TNR: variants seen among roughly 807,000 people sequenced by gnomAD.
The protein encoded by TNR is tenascin-R.
Under a neutral mutation model 150.4 loss-of-function variants are expected in TNR, and 45 were observed. The observed-to-expected ratio is 0.30, with a 90% CI of 0.24 to 0.38. The LOEUF is 0.38. TNR is among the 10% of genes least tolerant of loss of function. The pLI, the probability that TNR is intolerant of heterozygous loss-of-function variation, is 1.00. For missense variants in TNR, 1,544 were observed against 1,759.1 expected, an observed-to-expected ratio of 0.88 and a Z score of 2.19; for synonymous variants, 687 against 678.4, an observed-to-expected ratio of 1.01 and a Z score of -0.20.
chr1:175,346,632 T>C (rs1253184286), intron 18 of TNR, among the ~76,000 whole-genome samples: 1 of 152,038 alleles, frequency 6.6e-6, no homozygotes, highest in East Asian at 1.9e-4. Context: ...ATGAAAAGTC[T>C]TTTGAAGAAT....
intron 2 of TNR, among the ~76,000 whole-genome samples, chr1:175,415,206 C>G (rs1654385337): frequency 6.7e-6 from 1 of 149,768 alleles, no homozygotes; most frequent in Non-Finnish European, 1.5e-5. Flanking sequence ...CGTTGGGATG[C>G]TCTGTCACTT....
At chr1:175,626,102 C>A (rs1260121812) in intron 1 of TNR, among the ~76,000 whole-genome samples, 1 of 152,174 alleles carries the variant, frequency 6.6e-6, no homozygotes, top group Non-Finnish European at 1.5e-5. Context: ...CTTGCCACTG[C>A]CATGTAAGAA....
chr1:175,432,262 C>T (rs1046302989), intron 2 of TNR, among the ~76,000 whole-genome samples: 1 of 152,104 alleles, frequency 6.6e-6, no homozygotes, highest in Non-Finnish European at 1.5e-5. Flanking sequence ...AAGCTGATGG[C>T]CAAAGCTAGC....
At chr1:175,706,463 T>C (rs1215275538) in intron 1 of TNR, among the ~76,000 whole-genome samples, 1 of 152,026 alleles carries the variant, frequency 6.6e-6, no homozygotes, top group Non-Finnish European at 1.5e-5. Context: ...CAGGAAGGCA[T>C]CTTAAAGGTG....
At chr1:175,696,121 T>G (rs1666508285) in intron 1 of TNR, among the ~76,000 whole-genome samples, 1 of 151,952 alleles carries the variant, frequency 6.6e-6, no homozygotes, top group Non-Finnish European at 1.5e-5. Flanking sequence ...AATTTACAAA[T>G]ACTGTTAACC....
intron 15 of TNR, among the ~76,000 whole-genome samples, chr1:175,358,160 A>G (rs1189875865): frequency 6.6e-6 from 1 of 152,220 alleles, no homozygotes; most frequent in Non-Finnish European, 1.5e-5. Flanking sequence ...AGGAGGGGTG[A>G]CAGGAATTGA....
intron 2 of TNR, among the ~76,000 whole-genome samples, chr1:175,475,772 G>GAA (rs35816300): frequency 1.3e-5 from 2 of 150,026 alleles, no homozygotes; most frequent in Admixed American, 6.6e-5. Flanking sequence ...CCTGGATGAG[G>GAA]AAAAAAAAAA....
At chr1:175,665,155 T>G (rs1558062230) in intron 1 of TNR, among the ~76,000 whole-genome samples, 1 of 152,050 alleles carries the variant, frequency 6.6e-6, no homozygotes, top group Non-Finnish European at 1.5e-5. Flanking sequence ...TAGCACAGTT[T>G]TGTTTCATTT....
At chr1:175,413,987 G>C (rs957669510) in intron 2 of TNR, among the ~76,000 whole-genome samples, 1 of 152,230 alleles carries the variant, frequency 6.6e-6, no homozygotes, top group South Asian at 2.1e-4. Flanking sequence ...ACAAAAATTA[G>C]CCATGCATGG....
intron 1 of TNR, among the ~76,000 whole-genome samples, chr1:175,643,293 C>T (rs567386468): frequency 2.7e-4 from 41 of 152,352 alleles, no homozygotes; most frequent in African/African-American, 9.4e-4. Flanking sequence ...ATCTTATCAG[C>T]CTCTGATGAG....
chr1:175,502,284 T>C (rs1658770005), intron 2 of TNR, among the ~76,000 whole-genome samples: 1 of 152,228 alleles, frequency 6.6e-6, no homozygotes, highest in African/African-American at 2.4e-5. Flanking sequence ...TGCAGAATGC[T>C]GGAGTGCTCT....
At chr1:175,330,809 T>C (rs1221582126) in intron 20 of TNR, among the ~76,000 whole-genome samples, 6 of 152,170 alleles carry the variant, frequency 3.9e-5, no homozygotes, top group African/African-American at 1.4e-4. Flanking sequence ...CTGACTCCAG[T>C]CCCTTTCTCT....
intron 9 of TNR, among the ~76,000 whole-genome samples, chr1:175,379,296 T>C (rs565331258): frequency 2.0e-5 from 3 of 151,752 alleles, no homozygotes; most frequent in South Asian, 4.2e-4. Flanking sequence ...GAGACAGAGG[T>C]TGCAGTGAGC....
At chr1:175,663,759 G>C (rs1410449288) in intron 1 of TNR, among the ~76,000 whole-genome samples, 2 of 152,238 alleles carry the variant, frequency 1.3e-5, no homozygotes, top group African/African-American at 4.8e-5. Context: ...GGACGGCTGA[G>C]GATGGAGAAC....
At chr1:175,652,498 C>T (rs1382956330) in intron 1 of TNR, among the ~76,000 whole-genome samples, 1 of 152,100 alleles carries the variant, frequency 6.6e-6, no homozygotes, top group Non-Finnish European at 1.5e-5. Context: ...GGATTTATGT[C>T]CCTGCCCAAA....
chr1:175,605,086 TAGGG>T (rs1395039317), intron 1 of TNR, among the ~76,000 whole-genome samples: 1 of 152,122 alleles, frequency 6.6e-6, no homozygotes, highest in Non-Finnish European at 1.5e-5. Flanking sequence ...GTGGGCAGCA[TAGGG>T]AAGGATGATG....
intron 1 of TNR, among the ~76,000 whole-genome samples, chr1:175,537,654 T>C (rs904292642): frequency 3.5e-4 from 53 of 152,220 alleles, no homozygotes; most frequent in African/African-American, 1.2e-3. Context: ...TGATAAAAGC[T>C]TGACTTTCCA....
At chr1:175,376,330 C>A (rs1439907644) in intron 9 of TNR, among the ~76,000 whole-genome samples, 1 of 152,184 alleles carries the variant, frequency 6.6e-6, no homozygotes, top group African/African-American at 2.4e-5. Context: ...ACCTTAAACT[C>A]GTTAAATGTA....
At chr1:175,698,204 T>A (rs2101924587) in intron 1 of TNR, among the ~76,000 whole-genome samples, 1 of 152,124 alleles carries the variant, frequency 6.6e-6, no homozygotes, top group Non-Finnish European at 1.5e-5. Flanking sequence ...CAACGAACAG[T>A]CAAACATACC....
Sources: allele counts gnomAD v4.1 joint callset (sites outside exome capture counted in the v4.1 genomes callset), GRCh38; gene constraint gnomAD v4.1.1; transcripts MANE v1.5; gene names NCBI Gene and HGNC (gene_info 2026-07-23, HGNC 2026-07-21).